Variants in RGS6 observed in about 807,000 individuals in gnomAD.
RGS6 encodes regulator of G protein signaling 6.
A neutral mutation model predicts 78.5 loss-of-function variants in RGS6; 30 were observed. The ratio of observed to expected loss-of-function variants is 0.38; its 90% CI spans 0.29 to 0.52. The LOEUF is 0.52. Ranked by LOEUF, RGS6 falls within the 20% of genes least tolerant of loss-of-function variation. The pLI is 0.85. For missense variants in RGS6, 495 were observed against 609.7 expected, an observed-to-expected ratio of 0.81 and a Z score of 1.98; for synonymous variants, 206 against 206.0, an observed-to-expected ratio of 1.00 and a Z score of 0.00.
chr14:71,942,470 C>T (rs766570643), intron 1 of RGS6, among the ~76,000 whole-genome samples: 6 of 152,074 alleles, frequency 3.9e-5, no homozygotes, highest in African/African-American at 1.4e-4. Flanking sequence ...AAAAAAGGCT[C>T]ATTAGAACTC....
chr14:71,904,768 T>C, the RGS6 span, among the ~76,000 whole-genome samples: 557 of 152,276 alleles, frequency 3.7e-3, 4 homozygotes, highest in African/African-American at 0.013. Flanking sequence ...AATGTTTGCA[T>C]GGAACTCAAC....
intron 2 of RGS6, among the ~76,000 whole-genome samples, chr14:72,011,918 A>T (rs990233489): frequency 1.3e-5 from 2 of 152,174 alleles, no homozygotes. Context: ...TGAAAATAAG[A>T]TATTAGAAGT....
At chr14:72,405,614 A>G (rs1198485956) in intron 3 of RGS6, among the ~76,000 whole-genome samples, 2 of 152,228 alleles carry the variant, frequency 1.3e-5, no homozygotes, top group Non-Finnish European at 2.9e-5. Context: ...TTATATATGT[A>G]TATTTACAAG....
At chr14:72,301,123 A>G (rs1329560530) in intron 2 of RGS6, among the ~76,000 whole-genome samples, 2 of 152,238 alleles carry the variant, frequency 1.3e-5, no homozygotes, top group Admixed American at 6.5e-5. Context: ...TTGTAATACC[A>G]TCTGATATTC....
chr14:72,362,194 A>T (rs1167110079), intron 3 of RGS6, among the ~76,000 whole-genome samples: 1 of 152,198 alleles, frequency 6.6e-6, no homozygotes, highest in African/African-American at 2.4e-5. Context: ...CTATTAATCT[A>T]GTGAGAGAAA....
At chr14:72,614,104 G>T in the RGS6 span, among the ~76,000 whole-genome samples, 2 of 152,178 alleles carry the variant, frequency 1.3e-5, no homozygotes, top group Non-Finnish European at 2.9e-5. Context: ...CTGTCCCATT[G>T]TTTCCACACT....
chr14:72,513,230 C>T (rs2096900368), intron 14 of RGS6, among the ~76,000 whole-genome samples: 1 of 152,188 alleles, frequency 6.6e-6, no homozygotes, highest in Admixed American at 6.5e-5. Context: ...GTTAAGTAGC[C>T]AAGTGGCTGA....
chr14:72,268,129 T>C (rs2059358921), intron 2 of RGS6, among the ~76,000 whole-genome samples: 1 of 152,244 alleles, frequency 6.6e-6, no homozygotes, highest in Middle Eastern at 3.2e-3. Context: ...TTGACTTGTC[T>C]AGACGATTAT....
intron 2 of RGS6, among the ~76,000 whole-genome samples, chr14:72,258,361 C>A (rs760753403): frequency 1.3e-5 from 2 of 152,266 alleles, no homozygotes; most frequent in Non-Finnish European, 2.9e-5. Context: ...TAATTTGTTG[C>A]CATTGTGAAG....
chr14:72,621,374 T>G, the RGS6 span, among the ~76,000 whole-genome samples: 1 of 152,026 alleles, frequency 6.6e-6, no homozygotes, highest in African/African-American at 2.4e-5. Flanking sequence ...TATTTGGTGA[T>G]TGTTGAAACT....
chr14:72,136,750 G>A, intron 2 of RGS6, among the ~76,000 whole-genome samples: 1 of 152,168 alleles, frequency 6.6e-6, no homozygotes, highest in African/African-American at 2.4e-5. Flanking sequence ...GAAATGTCAG[G>A]AAATAGAGAA....
the RGS6 span, among the ~76,000 whole-genome samples, chr14:72,587,614 AC>A: frequency 6.6e-6 from 1 of 152,124 alleles, no homozygotes; most frequent in Non-Finnish European, 1.5e-5. Flanking sequence ...AAAGGGTCCA[AC>A]CTCAGGGGTA....
At chr14:71,956,908 G>A (rs1189139916) in intron 1 of RGS6, among the ~76,000 whole-genome samples, 2 of 152,202 alleles carry the variant, frequency 1.3e-5, no homozygotes, top group Admixed American at 1.3e-4. Context: ...GGAATGGATA[G>A]TAAAAGTGCT....
At chr14:72,531,431 CAAA>C (rs58751762) in intron 15 of RGS6, among the ~76,000 whole-genome samples, 8 of 66,734 alleles carry the variant, frequency 1.2e-4, no homozygotes, top group African/African-American at 1.5e-4. Context: ...GACTTTATCT[CAAA>C]AAAAAAAAAA....
At chr14:72,027,198 G>A (rs140643081) in intron 2 of RGS6, among the ~76,000 whole-genome samples, 11 of 151,738 alleles carry the variant, frequency 7.2e-5, no homozygotes, top group Non-Finnish European at 1.6e-4. Flanking sequence ...ACCCAGGGAA[G>A]GACTATGTCC....
chr14:72,296,168 TC>T (rs1352402963), intron 2 of RGS6, among the ~76,000 whole-genome samples: 1 of 152,230 alleles, frequency 6.6e-6, no homozygotes, highest in Non-Finnish European at 1.5e-5. Flanking sequence ...TTGAGATTTA[TC>T]CATGTTGCAG....
intron 2 of RGS6, among the ~76,000 whole-genome samples, chr14:72,245,319 G>A (rs999300378): frequency 2.0e-5 from 3 of 152,212 alleles, no homozygotes; most frequent in African/African-American, 7.2e-5. Flanking sequence ...AAATATAGAG[G>A]TGTGAAGTGG....
chr14:72,578,239 T>C, the RGS6 span, among the ~76,000 whole-genome samples: 2 of 152,242 alleles, frequency 1.3e-5, no homozygotes, highest in Admixed American at 1.3e-4. Context: ...CATTATTTTC[T>C]GGGACATGTT....
intron 2 of RGS6, among the ~76,000 whole-genome samples, chr14:72,271,519 T>C (rs2059932456): frequency 6.6e-6 from 1 of 152,196 alleles, no homozygotes; most frequent in East Asian, 1.9e-4. Flanking sequence ...TCAACCACTG[T>C]AGACATGACC....
Sources: allele counts gnomAD v4.1 joint callset (sites outside exome capture counted in the v4.1 genomes callset), GRCh38; gene constraint gnomAD v4.1.1; transcripts MANE v1.5; gene names NCBI Gene and HGNC (gene_info 2026-07-23, HGNC 2026-07-21).